Variants in LRRC7 observed in about 807,000 individuals in gnomAD.
The protein encoded by LRRC7 is leucine-rich repeat-containing protein 7.
A neutral mutation model predicts 175.7 loss-of-function variants in LRRC7; 23 were observed. The observed-to-expected ratio is 0.13, with a 90% CI of 0.09 to 0.19. The LOEUF (loss-of-function observed/expected upper bound fraction) is 0.19, where lower values mean the gene tolerates loss of function less well. Among genes scored for constraint, LRRC7 ranks in the 10% least tolerant of loss-of-function variants. The pLI, the probability that LRRC7 is intolerant of heterozygous loss-of-function variation, is 1.00. For synonymous variants in LRRC7, 685 were observed against 680.9 expected, an observed-to-expected ratio of 1.01 and a Z score of -0.09; for missense variants, 1,354 against 1,904.7, an observed-to-expected ratio of 0.71 and a Z score of 5.38.
At position 69,910,739 on chromosome 1, in the gene LRRC7, G is replaced by A. The variant is rs558034998; in HGVS notation, c.648-20768G>A. Among the ~76,000 whole-genome samples the A allele has an allele frequency of 1.8e-3, 271 of 152,336 alleles. 1 individual carries two copies. Among genetic ancestry groups the A allele is most frequent in the Admixed American group, 6.7e-3 (102 of 15,310 alleles). Reference sequence around the variant, plus strand: ...ACTCTCTTCAAAGCTGTCAGACAGGGACATTTAAGTCTGCAGAGGTTACTG... The same window carrying A: ...ACTCTCTTCAAAGCTGTCAGACAGGAACATTTAAGTCTGCAGAGGTTACTG... On this transcript the variant is annotated intron_variant, in intron 7 of 26. Coordinates refer to ENST00000651989, the MANE Select transcript of LRRC7 (RefSeq NM_001370785.2).
In LRRC7 at chr1:69,715,656, C is replaced by T. The variant is rs897232587; in HGVS notation, c.100+37178C>T. 2.6e-5 allele frequency among the ~76,000 whole-genome samples: 4 copies of T among 151,790 alleles called. 1 individual carries two copies. The highest frequency in any genetic ancestry group is 1.3e-4 in the Admixed American group (2 of 15,226). On this transcript the variant is annotated intron_variant, in intron 2 of 26. Transcript: ENST00000651989. ...TTGTTTTAATGATCACTGGGAATAA[C>T]CAAATCAGTGTTTAAGGTATAATAG...
intron 1 of LRRC7, among the ~76,000 whole-genome samples, chr1:69,658,223 T>C (rs1348731964): frequency 2.0e-5 from 3 of 151,974 alleles, no homozygotes; most frequent in Non-Finnish European, 4.4e-5. Context: ...CTCCATTACA[T>C]CATATTTTTA....
chr1:69,781,260 G>C (rs1194643081), intron 3 of LRRC7, among the ~76,000 whole-genome samples: 2 of 151,996 alleles, frequency 1.3e-5, no homozygotes, highest in Non-Finnish European at 2.9e-5. Flanking sequence ...CTTTGTGAGG[G>C]CTCACTGGAT....
intron 8 of LRRC7, among the ~76,000 whole-genome samples, chr1:69,978,307 G>GA (rs1653045162): frequency 6.8e-6 from 1 of 146,406 alleles, no homozygotes; most frequent in African/African-American, 2.5e-5. Context: ...GGGGAGGGAA[G>GA]AGGAGGGGAG....
chr1:69,645,069 C>T (rs1249762775), intron 1 of LRRC7, among the ~76,000 whole-genome samples: 7 of 151,906 alleles, frequency 4.6e-5, no homozygotes, highest in Non-Finnish European at 1.5e-5. Context: ...CAAGAATATT[C>T]ATTGTTGTAA....
chr1:69,895,998 A>G (rs1645968611), intron 7 of LRRC7, among the ~76,000 whole-genome samples: 1 of 152,210 alleles, frequency 6.6e-6, no homozygotes. Flanking sequence ...ACTCTATGGT[A>G]TTAGAAATTA....
chr1:69,747,635 ATAATT>A (rs1200838085), intron 2 of LRRC7, among the ~76,000 whole-genome samples: 1 of 152,144 alleles, frequency 6.6e-6, no homozygotes. Flanking sequence ...CATTTTCTAA[ATAATT>A]TAATTCAGTA....
chr1:70,102,595 G>A (rs912886211), intron 25 of LRRC7, among the ~76,000 whole-genome samples: 13 of 152,090 alleles, frequency 8.5e-5, no homozygotes, highest in African/African-American at 2.9e-4. Flanking sequence ...AAACTCCTGG[G>A]CTCAAGCAAT....
At chr1:69,999,846 T>C (rs1655359787) in intron 11 of LRRC7, among the ~76,000 whole-genome samples, 1 of 152,090 alleles carries the variant, frequency 6.6e-6, no homozygotes, top group South Asian at 2.1e-4. Flanking sequence ...ACTTGAGAAA[T>C]AGAGTATCTA....
chr1:69,863,672 G>A (rs912869663), intron 7 of LRRC7, among the ~76,000 whole-genome samples: 13 of 152,142 alleles, frequency 8.5e-5, no homozygotes, highest in Non-Finnish European at 1.6e-4. Flanking sequence ...TAAATGTAAA[G>A]TTACAACTAT....
chr1:69,756,100 T>C (rs1670395514), intron 2 of LRRC7, among the ~76,000 whole-genome samples: 1 of 151,742 alleles, frequency 6.6e-6, no homozygotes, highest in South Asian at 2.1e-4. Flanking sequence ...AATAGGATAC[T>C]ATGAAAAAAG....
intron 2 of LRRC7, among the ~76,000 whole-genome samples, chr1:69,739,831 AT>A (rs1383767949): frequency 6.6e-6 from 1 of 152,126 alleles, no homozygotes; most frequent in Non-Finnish European, 1.5e-5. Context: ...CAAGATGTCA[AT>A]CACCAGAGAA....
At chr1:70,105,923 C>T (rs1360897637) in intron 25 of LRRC7, among the ~76,000 whole-genome samples, 1 of 152,038 alleles carries the variant, frequency 6.6e-6, no homozygotes, top group Non-Finnish European at 1.5e-5. Flanking sequence ...TAATAGGTTT[C>T]ATAAACTTCT....
chr1:69,807,319 T>C (rs1323292418), intron 4 of LRRC7, among the ~76,000 whole-genome samples: 1 of 152,034 alleles, frequency 6.6e-6, no homozygotes, highest in African/African-American at 2.4e-5. Context: ...TTGTTATGTG[T>C]GTATTTGGTC....
At chr1:70,015,708 G>T (rs891354999) in intron 13 of LRRC7, among the ~76,000 whole-genome samples, 2 of 152,118 alleles carry the variant, frequency 1.3e-5, no homozygotes, top group Non-Finnish European at 2.9e-5. Context: ...AATTTTGATT[G>T]AATACCAAGG....
chr1:69,964,831 AC>A (rs1411571663), intron 8 of LRRC7, among the ~76,000 whole-genome samples: 2 of 152,218 alleles, frequency 1.3e-5, no homozygotes, highest in African/African-American at 4.8e-5. Flanking sequence ...TTTGACACCT[AC>A]ATAGTCCATT....
intron 2 of LRRC7, among the ~76,000 whole-genome samples, chr1:69,753,871 T>C (rs1181835431): frequency 6.6e-6 from 1 of 152,090 alleles, no homozygotes; most frequent in Non-Finnish European, 1.5e-5. Context: ...ACAACCTACC[T>C]TGATGAACAG....
At position 69,632,899 on chromosome 1, in the gene LRRC7, G is replaced by A. The variant is rs1291036530; in HGVS notation, c.3-45482G>A. On this transcript the variant is annotated intron_variant, in intron 1 of 26. Coordinates refer to ENST00000651989, the MANE Select transcript of LRRC7 (RefSeq NM_001370785.2). Reference sequence around the variant, plus strand: ...AGTTTTAATTTTCTCTTTGGTCCAAGAGTTAAGTAGAGCATTTCTATAATT... The same window carrying A: ...AGTTTTAATTTTCTCTTTGGTCCAAAAGTTAAGTAGAGCATTTCTATAATT... Among the ~76,000 whole-genome samples, 9 of 152,010 alleles carry A rather than the reference G, an allele frequency of 5.9e-5. No individual in the cohort carries two copies. In the East Asian group the frequency reaches 1.5e-3, roughly 26 times the overall value.
At chr1:69,669,496 C>T (rs946939311) in intron 1 of LRRC7, among the ~76,000 whole-genome samples, 4 of 152,098 alleles carry the variant, frequency 2.6e-5, no homozygotes, top group Non-Finnish European at 5.9e-5. Context: ...CTTTTAGGAC[C>T]TTTTCTTTAT....
Sources: allele counts gnomAD v4.1 joint callset (sites outside exome capture counted in the v4.1 genomes callset), GRCh38; gene constraint gnomAD v4.1.1; transcripts MANE v1.5; gene names NCBI Gene and HGNC (gene_info 2026-07-23, HGNC 2026-07-21).